The following MAP4K3 variants were observed in gnomAD, a reference collection of about 807,000 sequenced individuals.
MAP4K3 encodes MAPK/ERK kinase kinase kinase 3.
Under a neutral mutation model 143.5 loss-of-function variants are expected in MAP4K3, and 94 were observed. The ratio of observed to expected loss-of-function variants is 0.65; its 90% CI spans 0.55 to 0.78. The LOEUF is 0.78. Among genes scored for constraint, MAP4K3 ranks in the 30% least tolerant of loss-of-function variants. The probability of loss-of-function intolerance (pLI) is 0.00; values close to 1 mark genes in which losing one functional copy is unlikely to be tolerated. For synonymous variants in MAP4K3, 416 were observed against 347.2 expected (o/e 1.20, Z -2.20); for missense variants, 1,077 against 1,068.1 (o/e 1.01, Z -0.12).
chr2:39,322,460 C>G (rs1005931062), intron 12 of MAP4K3, among the ~76,000 whole-genome samples: 1 of 151,868 alleles, frequency 6.6e-6, no homozygotes, highest in Non-Finnish European at 1.5e-5. Flanking sequence ...GAATAAAAAT[C>G]AGAATTAGAA....
intron 2 of MAP4K3, among the ~76,000 whole-genome samples, chr2:39,370,456 A>C (rs1047368069): frequency 6.6e-6 from 1 of 152,246 alleles, no homozygotes; most frequent in African/African-American, 2.4e-5. Flanking sequence ...CTATGATGAA[A>C]GATAAGGAGG....
chr2:39,401,977 ATAAGG>A (rs1394962176), intron 1 of MAP4K3, among the ~76,000 whole-genome samples: 1 of 152,224 alleles, frequency 6.6e-6, no homozygotes, highest in Non-Finnish European at 1.5e-5. Context: ...AATACAACCT[ATAAGG>A]TAAGAAGAAA....
chr2:39,392,110 G>C (rs565703949), intron 1 of MAP4K3, among the ~76,000 whole-genome samples: 1 of 145,778 alleles, frequency 6.9e-6, no homozygotes, highest in African/African-American at 2.5e-5. Flanking sequence ...GCTTGAACCC[G>C]GGAGGTGGAG....
intron 2 of MAP4K3, among the ~76,000 whole-genome samples, chr2:39,366,870 CTT>C (rs1317304977): frequency 1.3e-5 from 2 of 152,094 alleles, no homozygotes; most frequent in East Asian, 3.8e-4. Flanking sequence ...TTAGAAAAAA[CTT>C]TTCTAAAACC....
rs534408166 is a variant in MAP4K3 at position 39,250,470 on chromosome 2, A to T, written c.*148T>A. On this transcript the variant is annotated 3_prime_UTR_variant, in exon 34 of 34. Coordinates refer to ENST00000263881, the MANE Select transcript of MAP4K3 (RefSeq NM_003618.4). Reference sequence around the variant, plus strand: ...AATATATCCATACCACTTAAAACAAAATTTTCCCCATCTTATCTCATGCCA... The same window carrying T: ...AATATATCCATACCACTTAAAACAATATTTTCCCCATCTTATCTCATGCCA... The T allele has an allele frequency of 1.9e-5, 13 of 690,886 alleles. No individual in the cohort carries two copies. In the East Asian group the frequency reaches 3.6e-4, roughly 19 times the overall value. 42.8% of individuals were successfully genotyped at this position (690,886 alleles called of 1,614,324 possible). A position where few individuals can be genotyped will look rare whatever the true frequency, so the allele number is the denominator to read the frequency against.
chr2:39,287,689 G>A (rs1243661808), intron 20 of MAP4K3, among the ~76,000 whole-genome samples: 1 of 152,014 alleles, frequency 6.6e-6, no homozygotes, highest in African/African-American at 2.4e-5. Context: ...GTATTAATTT[G>A]GAGGCAAATA....
chr2:39,273,330 G>A (rs967985187), intron 24 of MAP4K3, among the ~76,000 whole-genome samples: 1 of 152,212 alleles, frequency 6.6e-6, no homozygotes, highest in Non-Finnish European at 1.5e-5. Flanking sequence ...ATCTACTGAA[G>A]CAAGAAGTTC....
intron 21 of MAP4K3, among the ~76,000 whole-genome samples, chr2:39,286,126 C>T (rs1303395558): frequency 1.3e-5 from 2 of 152,148 alleles, no homozygotes; most frequent in African/African-American, 4.8e-5. Flanking sequence ...AATTTTTCCA[C>T]AGATGGGGGT....
intron 2 of MAP4K3, among the ~76,000 whole-genome samples, chr2:39,361,666 T>C (rs1455941124): frequency 6.6e-6 from 1 of 151,422 alleles, no homozygotes; most frequent in African/African-American, 2.4e-5. Flanking sequence ...TTTTAAAATC[T>C]TTAAAATGAT....
rs146564014 is a variant in MAP4K3, at chr2:39,347,782, G to C, written c.246-4330C>G. On this transcript the variant is annotated intron_variant, in intron 3 of 33. Coordinates refer to ENST00000263881, the MANE Select transcript of MAP4K3 (RefSeq NM_003618.4). ...AAAAAAGAGAGATGGGATTGATCAGGCATATATTCTTACTAAAGTCATGTT... is the reference window on the plus strand; with the variant it reads ...AAAAAAGAGAGATGGGATTGATCAGCCATATATTCTTACTAAAGTCATGTT... 5.1e-3 allele frequency among the ~76,000 whole-genome samples: 781 copies of C among 151,884 alleles called. 7 individuals carry two copies. The highest frequency in any genetic ancestry group is 0.018 in the African/African-American group (749 of 41,454).
intron 12 of MAP4K3, 134 bp downstream of exon 12, chr2:39,325,384 G>T: frequency 1.9e-6 from 1 of 516,318 alleles, no homozygotes; most frequent in Non-Finnish European, 3.4e-6. Context: ...AGAATTAATT[G>T]TTCCCTCAAG....
intron 15 of MAP4K3, among the ~76,000 whole-genome samples, chr2:39,305,169 T>A (rs1287276702): frequency 2.6e-5 from 4 of 152,138 alleles, no homozygotes; most frequent in African/African-American, 9.7e-5. Context: ...ATGTACATAA[T>A]GCCACTGGAC....
chr2:39,341,229 ACAATGG>A (rs1665130466), intron 4 of MAP4K3, among the ~76,000 whole-genome samples: 1 of 152,314 alleles, frequency 6.6e-6, no homozygotes, highest in Admixed American at 6.5e-5. Flanking sequence ...AAGCTAAAAG[ACAATGG>A]CCCACCTTCT....
intron 1 of MAP4K3, among the ~76,000 whole-genome samples, chr2:39,419,194 T>C (rs1010368304): frequency 6.6e-6 from 1 of 152,154 alleles, no homozygotes; most frequent in African/African-American, 2.4e-5. Flanking sequence ...CCAAAACAAC[T>C]AATTTTATCA....
At chr2:39,271,877 G>T (rs1290955681) in intron 26 of MAP4K3, 1 of 166,046 alleles carries the variant, frequency 6.0e-6, no homozygotes, top group Non-Finnish European at 1.3e-5. Context: ...GATTACAGGC[G>T]TGAGCCACCA....
At chr2:39,344,481 A>G (rs900425732) in intron 3 of MAP4K3, among the ~76,000 whole-genome samples, 3 of 152,346 alleles carry the variant, frequency 2.0e-5, no homozygotes, top group African/African-American at 7.2e-5. Context: ...AAATAGTTTC[A>G]TTGGAACACA....
intron 12 of MAP4K3, among the ~76,000 whole-genome samples, chr2:39,319,330 T>C (rs1283171762): frequency 6.6e-6 from 1 of 152,142 alleles, no homozygotes; most frequent in East Asian, 1.9e-4. Context: ...TAAAACCTTA[T>C]TGTTTCTTCA....
At position 39,383,406 on chromosome 2, in the gene MAP4K3, C is replaced by T. The variant is rs1330634709; in HGVS notation, c.97-5283G>A. On this transcript the variant is annotated intron_variant, in intron 1 of 33. Transcript: ENST00000263881. Reference sequence around the variant, plus strand: ...AGAAGAGCAAGACGGTAATCACCGCCATGATTCAATTACCTCCACCAGGTT... The same window carrying T: ...AGAAGAGCAAGACGGTAATCACCGCTATGATTCAATTACCTCCACCAGGTT... 1.3e-4 allele frequency among the ~76,000 whole-genome samples: 6 copies of T among 47,358 alleles called. No homozygotes were observed. In the East Asian group the frequency reaches 3.9e-3, roughly 31 times the overall value. The allele number at this position is 47,358 out of a possible 152,430, so 31.1% of individuals were successfully genotyped here. A position where few individuals can be genotyped will look rare whatever the true frequency, so the allele number is the denominator to read the frequency against.
intron 1 of MAP4K3, among the ~76,000 whole-genome samples, chr2:39,435,984 C>T (rs1665456462): frequency 6.6e-6 from 1 of 152,192 alleles, no homozygotes; most frequent in Non-Finnish European, 1.5e-5. Context: ...CTTTGTGCAT[C>T]CTCAGGTGTT....
Sources: allele counts gnomAD v4.1 joint callset (sites outside exome capture counted in the v4.1 genomes callset), GRCh38; gene constraint gnomAD v4.1.1; transcripts MANE v1.5; gene names NCBI Gene and HGNC (gene_info 2026-07-23, HGNC 2026-07-21).